CYFIP1: variants seen among roughly 807,000 people sequenced by gnomAD.
CYFIP1 encodes cytoplasmic FMR1 interacting protein 1, also known as cytoplasmic FMR1-interacting protein 1.
A neutral mutation model predicts 163.5 loss-of-function variants in CYFIP1; 58 were observed. The ratio of observed to expected loss-of-function variants is 0.35; its 90% CI spans 0.29 to 0.44. The LOEUF (loss-of-function observed/expected upper bound fraction) is 0.44. Ranked by LOEUF, CYFIP1 falls within the 20% of genes least tolerant of loss-of-function variation. The pLI is 1.00. For missense variants in CYFIP1, 1,338 were observed against 1,653.8 expected (o/e 0.81, Z 3.31); for synonymous variants, 663 against 660.7 (o/e 1.00, Z -0.05).
chr15:22,925,866 G>A (rs927287954), intron 13 of CYFIP1, 116 bp downstream of exon 13: 11 of 1,432,736 alleles, frequency 7.7e-6, no homozygotes, highest in East Asian at 6.9e-5. Flanking sequence ...GGAAAGGGGT[G>A]CCCACACAGA....
At chr15:22,872,287 CTG>C (rs1206006456) in intron 30 of CYFIP1, among the ~76,000 whole-genome samples, 1 of 105,972 alleles carries the variant, frequency 9.4e-6, no homozygotes, top group African/African-American at 3.4e-5. Flanking sequence ...AAGAGCGAAA[CTG>C]TCTCAAAAAA....
chr15:22,902,471 C>A (rs371174078), intron 22 of CYFIP1, among the ~76,000 whole-genome samples: 2 of 152,220 alleles, frequency 1.3e-5, no homozygotes, highest in African/African-American at 4.8e-5. Flanking sequence ...CTGGGGAGTT[C>A]ACTCATTTTT....
intron 26 of CYFIP1, 42 bp from the exon 27 acceptor site, chr15:22,875,313 C>T (rs1296585233): frequency 7.7e-6 from 12 of 1,563,274 alleles, no homozygotes; most frequent in Admixed American, 6.7e-5. Context: ...AAGGGTATCT[C>T]GCCAGAGAGC....
chr15:22,920,760 T>C (rs1424069214), intron 13 of CYFIP1, among the ~76,000 whole-genome samples: 2 of 152,224 alleles, frequency 1.3e-5, no homozygotes, highest in East Asian at 3.9e-4. Flanking sequence ...CCGCAGGCAC[T>C]GTGCCTTCCT....
At chr15:22,893,823 C>A (rs1326208506) in intron 22 of CYFIP1, among the ~76,000 whole-genome samples, 1 of 152,142 alleles carries the variant, frequency 6.6e-6, no homozygotes, top group Non-Finnish European at 1.5e-5. Context: ...CAGTGCTTGG[C>A]ATGCATGTCT....
chr15:22,896,390 A>T (rs937957829), intron 22 of CYFIP1, among the ~76,000 whole-genome samples: 6 of 151,972 alleles, frequency 3.9e-5, no homozygotes, highest in African/African-American at 1.5e-4. Flanking sequence ...AAATCTGGGA[A>T]ATTCAAGGGC....
At chr15:22,883,293 A>G (rs1288714901) in intron 23 of CYFIP1, among the ~76,000 whole-genome samples, 6 of 152,216 alleles carry the variant, frequency 3.9e-5, no homozygotes, top group Non-Finnish European at 7.3e-5. Context: ...AGAATGAGAA[A>G]TGAATACGAC....
At chr15:22,887,283 A>G (rs1419259453) in intron 23 of CYFIP1, among the ~76,000 whole-genome samples, 1 of 152,142 alleles carries the variant, frequency 6.6e-6, no homozygotes, top group South Asian at 2.1e-4. Context: ...ATTAGACAAC[A>G]CTGAAGGACA....
chr15:22,927,625 C>T (rs2061398475), intron 12 of CYFIP1, among the ~76,000 whole-genome samples: 1 of 152,012 alleles, frequency 6.6e-6, no homozygotes, highest in Non-Finnish European at 1.5e-5. Context: ...CACCGCACTC[C>T]AGCCTAAGCG....
rs1410328988 is a variant in CYFIP1 at position 22,872,761 on chromosome 15, T to C, written c.3597+64A>G. Reference sequence around the variant, plus strand: ...AAACATTGCCAGAAACAAGAACTTATAACACAAAGAAAGTATGCTTTTGCA... The same window carrying C: ...AAACATTGCCAGAAACAAGAACTTACAACACAAAGAAAGTATGCTTTTGCA... On this transcript the variant is annotated intron_variant, in intron 30 of 30. Transcript: ENST00000617928. 34 of 1,543,106 alleles carry C rather than the reference T, an allele frequency of 2.2e-5. 1 individual carries two copies. The highest frequency in any genetic ancestry group is 3.4e-4 in the Middle Eastern group (2 of 5,838).
chr15:22,957,641 A>G (rs1217260047), intron 1 of CYFIP1, among the ~76,000 whole-genome samples: 1 of 152,220 alleles, frequency 6.6e-6, no homozygotes, highest in Non-Finnish European at 1.5e-5. Flanking sequence ...ATCTCAAAAA[A>G]CAAAAAATGT....
Position 22,909,331 on chromosome 15 carries a change from G to C in CYFIP1, c.2269-18C>G. On this transcript the variant is annotated intron_variant, in intron 20 of 30. Coordinates refer to ENST00000617928, the MANE Select transcript of CYFIP1 (RefSeq NM_014608.6). ...CCGAGGAGCTGGCGTACACAGGGAA[G>C]GATGGCAGGTAAAGAGTGGACATGA... 1 of 1,613,608 alleles carries C rather than the reference G, an allele frequency of 6.2e-7. No homozygotes were observed. The highest frequency in any genetic ancestry group is 8.5e-7 in the Non-Finnish European group (1 of 1,179,602).
At chr15:22,883,594 G>A (rs1405076384) in intron 23 of CYFIP1, among the ~76,000 whole-genome samples, 2 of 152,170 alleles carry the variant, frequency 1.3e-5, no homozygotes, top group Non-Finnish European at 2.9e-5. Context: ...GAGGTGGGCA[G>A]ATCACAAGGT....
At chr15:22,872,366 T>C (rs796320298) in intron 30 of CYFIP1, among the ~76,000 whole-genome samples, 3 of 150,094 alleles carry the variant, frequency 2.0e-5, no homozygotes, top group African/African-American at 7.4e-5. Context: ...AATGAGAAGG[T>C]CTAACATATG....
rs1286317441 is a variant in CYFIP1, at chr15:22,882,972, G to A, written c.2716C>T (p.Arg906Trp). 2.5e-6 allele frequency: 4 copies of A among 1,613,862 alleles called. No individual in the cohort carries two copies. Among genetic ancestry groups the A allele is most frequent in the African/African-American group, 2.7e-5 (2 of 74,880 alleles). The change falls in exon 24 of 31, where the codon CGG (arginine) becomes TGG (tryptophan). Residue 906 changes from arginine to tryptophan, a missense_variant. By Grantham distance (101) the Arg-to-Trp change is moderately radical (BLOSUM62 -3). Coordinates refer to ENST00000617928, the MANE Select transcript of CYFIP1 (RefSeq NM_014608.6). ...LAYSSIYGSY[R>W]NFVGPPHFQV... ...AAGTGTGGAGGTCCCACGAAGTTCC[G>A]GTAGCTGCCGTAAATGCTGGAGTAG...
intron 5 of CYFIP1, 121 bp from the exon 6 acceptor site, chr15:22,943,475 C>A: frequency 8.9e-7 from 1 of 1,117,714 alleles, no homozygotes; most frequent in South Asian, 1.6e-5. Flanking sequence ...CAGTGAGGCT[C>A]CAGGCCGAAG....
chr15:22,867,290 A>T lies in CYFIP1; in HGVS notation c.*2738T>A. 1 of 398,564 alleles carries T rather than the reference A, an allele frequency of 2.5e-6. No individual in the cohort carries two copies. Among genetic ancestry groups the T allele is most frequent in the African/African-American group, 2.1e-5 (1 of 48,718 alleles). The allele number at this position is 398,564 out of a possible 1,614,324, so 24.7% of individuals were successfully genotyped here. On this transcript the variant is annotated 3_prime_UTR_variant, in exon 31 of 31. Coordinates refer to ENST00000617928, the MANE Select transcript of CYFIP1 (RefSeq NM_014608.6). Reference sequence around the variant, plus strand: ...TATCCTGTGATTTACCTTACCTACAAAAGTGGCTCCTGTTTGTTTGATGAT... The same window carrying T: ...TATCCTGTGATTTACCTTACCTACATAAGTGGCTCCTGTTTGTTTGATGAT...
At chr15:22,958,178 C>T (rs888919793) in intron 1 of CYFIP1, among the ~76,000 whole-genome samples, 6 of 151,924 alleles carry the variant, frequency 3.9e-5, no homozygotes, top group Non-Finnish European at 7.4e-5. Flanking sequence ...CTCTGCCTCC[C>T]AGGTTCAAGC....
chr15:22,922,302 G>GT (rs1470274900), intron 13 of CYFIP1, among the ~76,000 whole-genome samples: 1 of 152,210 alleles, frequency 6.6e-6, no homozygotes, highest in Admixed American at 6.5e-5. Flanking sequence ...GGTCAGCCAC[G>GT]TGACTGGCCC....
Sources: gnomAD v4.1 joint callset for allele counts (sites outside exome capture counted in the v4.1 genomes callset) on GRCh38, gnomAD v4.1.1 for gene constraint, MANE v1.5 for transcripts, NCBI Gene and HGNC (gene_info 2026-07-23, HGNC 2026-07-21) for gene names.